Variants in DGKD observed in about 807,000 individuals in gnomAD.
DGKD encodes diacylglycerol kinase delta.
A neutral mutation model predicts 154.4 loss-of-function variants in DGKD; 68 were observed. The observed-to-expected ratio is 0.44, with a 90% CI of 0.36 to 0.54. The LOEUF is 0.54. Ranked by LOEUF, DGKD falls within the 20% of genes least tolerant of loss-of-function variation. The pLI, the probability that DGKD is intolerant of heterozygous loss-of-function variation, is 0.00. For missense variants in DGKD, 1,343 were observed against 1,593.6 expected (o/e 0.84, Z 2.68); for synonymous variants, 693 against 638.0 (o/e 1.09, Z -1.30).
At chr2:233,461,907 G>A (rs2063657689) in intron 24 of DGKD, among the ~76,000 whole-genome samples, 1 of 152,248 alleles carries the variant, frequency 6.6e-6, no homozygotes, top group Non-Finnish European at 1.5e-5. Flanking sequence ...CTGGCTCAGA[G>A]CCCATCACTG....
chr2:233,409,330 G>A (rs2125507762), intron 3 of DGKD, among the ~76,000 whole-genome samples: 2 of 152,296 alleles, frequency 1.3e-5, no homozygotes, highest in African/African-American at 4.8e-5. Context: ...GACTGTCATT[G>A]GATTATAGTA....
At chr2:233,358,122 G>A (rs935698885) in intron 1 of DGKD, among the ~76,000 whole-genome samples, 2 of 152,134 alleles carry the variant, frequency 1.3e-5, no homozygotes, top group Non-Finnish European at 2.9e-5. Flanking sequence ...TGTATTTCCT[G>A]ACTACAGTAC....
rs771282230 is a variant in DGKD, at chr2:233,464,246, C to T, written c.3269C>T (p.Pro1090Leu). ...CAGCTCAGGAGGCTGGCAGACACCC[C>T]GTGGCTCTGCCAGTCCGCAGAGCCC... Reference protein sequence around the residue: ...DRQLRRLADTPWLCQSAEPGD... With the variant: ...DRQLRRLADTLWLCQSAEPGD... The change falls in exon 27 of 30, where the codon CCG (proline) becomes CTG (leucine). Residue 1090 changes from proline to leucine, a missense_variant. Pro to Leu is a moderately conservative substitution (Grantham distance 98). This residue lies in a region of DGKD where 429 missense variants were observed against 496.3 expected (regional missense o/e 0.86). Coordinates refer to ENST00000264057, the MANE Select transcript of DGKD (RefSeq NM_152879.3). The T allele has an allele frequency of 3.4e-5, 55 of 1,613,460 alleles. No homozygotes were observed. The East Asian group carries it at 1.0e-3, about 31-fold the overall frequency.
Position 233,445,867 on chromosome 2 carries a change from A to G in DGKD, c.1334+105A>G, listed in dbSNP as rs1220706000. On this transcript the variant is annotated intron_variant, in intron 11 of 29. Transcript: ENST00000264057. This position sits in a 1 kb window ranked among gnomAD's most constrained non-coding sequence, Gnocchi z 5.5. Reference sequence around the variant, plus strand: ...GTCTGTGGAAAACATGGGCCCTCTGAAATTATTTGTAAAGATTTGACCTGA... The same window carrying G: ...GTCTGTGGAAAACATGGGCCCTCTGGAATTATTTGTAAAGATTTGACCTGA... 3.7e-6 allele frequency: 5 copies of G among 1,341,830 alleles called. No homozygotes were observed. Among genetic ancestry groups the G allele is most frequent in the Non-Finnish European group, 5.0e-6 (5 of 1,006,872 alleles). The allele number at this position is 1,341,830 out of a possible 1,614,324, so 83.1% of individuals were successfully genotyped here. A position where few individuals can be genotyped will look rare whatever the true frequency, so the allele number is the denominator to read the frequency against.
intron 3 of DGKD, among the ~76,000 whole-genome samples, chr2:233,424,842 A>G (rs1314099022): frequency 6.6e-6 from 1 of 152,162 alleles, no homozygotes; most frequent in African/African-American, 2.4e-5. Flanking sequence ...ATATTAGCCA[A>G]ACTGTCCCTT....
chr2:233,428,950 G>T (rs148998196), intron 3 of DGKD, among the ~76,000 whole-genome samples: 427 of 152,248 alleles, frequency 2.8e-3, no homozygotes, highest in African/African-American at 9.2e-3. Flanking sequence ...CTGTTGCTCA[G>T]TGTTTATTGT....
At position 233,434,471 on chromosome 2, in the gene DGKD, G is replaced by A; in HGVS notation, c.440G>A (p.Arg147Lys). 1 of 1,614,080 alleles carries A rather than the reference G, an allele frequency of 6.2e-7. No homozygotes were observed. The highest frequency in any genetic ancestry group is 8.5e-7 in the Non-Finnish European group (1 of 1,179,970). The change falls in exon 4 of 30, where the codon AGG becomes AAG. Residue 147 changes from arginine to lysine, a missense_variant. Arg to Lys is a conservative substitution (Grantham distance 26). Coordinates refer to ENST00000264057, the MANE Select transcript of DGKD (RefSeq NM_152879.3). ...GCAGCATTAAAGACTGTGCAGAACA[G>A]GGAGCACTTTGAGGTTAAAAAAGAA... The part of the protein sequence containing the change: ...WIAALKTVQN[R>K]EHFEPTQYSM...
chr2:233,393,206 C>A (rs570980630), intron 3 of DGKD, among the ~76,000 whole-genome samples: 43 of 151,696 alleles, frequency 2.8e-4, no homozygotes, highest in Non-Finnish European at 4.9e-4. Flanking sequence ...TTTATATTTT[C>A]AGTTAGAGAC....
In DGKD at chr2:233,450,910, G is replaced by A. The variant is rs924340185; in HGVS notation, c.2039-12G>A. 1 of 1,594,252 alleles carries A rather than the reference G, an allele frequency of 6.3e-7. No individual in the cohort carries two copies. On this transcript the variant is annotated splice_polypyrimidine_tract_variant and intron_variant, in intron 16 of 29. Transcript: ENST00000264057. Reference sequence around the variant, plus strand: ...CCACACAGCTGTAAGGTTTTCTGCTGTGTTGTTACAGTGTCGAAATCTCCG... The same window carrying A: ...CCACACAGCTGTAAGGTTTTCTGCTATGTTGTTACAGTGTCGAAATCTCCG...
chr2:233,372,394 A>G (rs1193560320), intron 1 of DGKD, among the ~76,000 whole-genome samples: 1 of 152,080 alleles, frequency 6.6e-6, no homozygotes, highest in Non-Finnish European at 1.5e-5. Context: ...TTGAAATAAC[A>G]CTCATCTCAT....
At position 233,459,760 on chromosome 2, in the gene DGKD, C is replaced by T. The variant is rs762662507; in HGVS notation, c.2698C>T (p.Arg900Cys). 3.1e-6 allele frequency: 5 copies of T among 1,613,548 alleles called. No homozygotes were observed. Among genetic ancestry groups the T allele is most frequent in the African/African-American group, 1.3e-5 (1 of 74,892 alleles). Reference sequence around the variant, plus strand: ...AATGGCTATGATGTCTGCTCAGTGTCGCACGGTGAAGATCTCCATCCTTGG... The same window carrying T: ...AATGGCTATGATGTCTGCTCAGTGTTGCACGGTGAAGATCTCCATCCTTGG... The part of the protein sequence containing the change: ...RLQHHRIAQC[R>C]TVKISILGDE... The change falls in exon 23 of 30, where the codon CGC becomes TGC. Residue 900 changes from arginine (R) to cysteine (C), a missense_variant. Coordinates refer to ENST00000264057, the MANE Select transcript of DGKD (RefSeq NM_152879.3). This position sits in a 1 kb window ranked among gnomAD's most constrained non-coding sequence, Gnocchi z 5.7.
chr2:233,360,595 C>T (rs1378222413), intron 1 of DGKD, among the ~76,000 whole-genome samples: 1 of 151,588 alleles, frequency 6.6e-6, no homozygotes, highest in Non-Finnish European at 1.5e-5. Flanking sequence ...TGCTATATTC[C>T]CCAGGCTGGT....
rs776254967 is a variant in DGKD at position 233,462,710 on chromosome 2, T to C, written c.3161T>C (p.Leu1054Pro). ...NFRALRSETE[L>P]LLSGKMALQL... The stretch of plus-strand genomic sequence containing the variant: ...AGAGCTCTGCGCAGTGAGACGGAGC[T>C]GCTGCTGTCTGGGAAGATGGCCCTG... Residue 1054 changes from leucine to proline, a missense_variant, in exon 26 of 30, where the codon CTG becomes CCG. By Grantham distance (98) the Leu-to-Pro change is moderately conservative. Transcript: ENST00000264057. 6.2e-7 allele frequency: 1 copy of C among 1,613,958 alleles called. No individual in the cohort carries two copies. Among genetic ancestry groups the C allele is most frequent in the Non-Finnish European group, 8.5e-7 (1 of 1,179,982 alleles).
chr2:233,427,212 A>G (rs774489735), intron 3 of DGKD, among the ~76,000 whole-genome samples: 2 of 151,266 alleles, frequency 1.3e-5, no homozygotes, highest in African/African-American at 2.4e-5. Flanking sequence ...TCCAGTGTGT[A>G]GGTTTCCATG....
At chr2:233,386,970 C>T (rs1017519446) in intron 1 of DGKD, among the ~76,000 whole-genome samples, 6 of 152,142 alleles carry the variant, frequency 3.9e-5, no homozygotes, top group Non-Finnish European at 8.8e-5. Context: ...CTGTGCTGTC[C>T]GGGTGTGGTC....
rs78425726 is a variant in DGKD at position 233,373,937 on chromosome 2, T to C, written c.157-14320T>C. Among the ~76,000 whole-genome samples the C allele has an allele frequency of 4.6e-5, 7 of 152,266 alleles. No homozygotes were observed. The East Asian group carries it at 1.2e-3, about 25-fold the overall frequency. On this transcript the variant is annotated intron_variant, in intron 1 of 29. Coordinates refer to ENST00000264057, the MANE Select transcript of DGKD (RefSeq NM_152879.3). The stretch of plus-strand genomic sequence containing the variant: ...ATACACAAAGTAAAAGCAGATCTAG[T>C]TGCAGTATATTGTTGTTTGGAAAAG...
At chr2:233,435,951 G>A in intron 6 of DGKD, 27 bp downstream of exon 6, 2 of 1,572,974 alleles carry the variant, frequency 1.3e-6, no homozygotes, top group South Asian at 1.1e-5. Context: ...CACCTGTGGG[G>A]CCCTGAGCCA....
At position 233,447,112 on chromosome 2, in the gene DGKD, G is replaced by A. The variant is rs557786899; in HGVS notation, c.1419+316G>A. Among the ~76,000 whole-genome samples, 291 of 152,246 alleles carry A rather than the reference G, an allele frequency of 1.9e-3. 1 individual carries two copies. Among genetic ancestry groups the A allele is most frequent in the Admixed American group, 3.6e-3 (55 of 15,286 alleles). On this transcript the variant is annotated intron_variant, in intron 12 of 29. Transcript: ENST00000264057. The stretch of plus-strand genomic sequence containing the variant: ...CTCAGCTGCGCAGTGAGCCCCAAAC[G>A]GTGCGCGCCCGTTCCCTCCCCCGCC...
chr2:233,415,436 T>G (rs576895708), intron 3 of DGKD, among the ~76,000 whole-genome samples: 1 of 152,160 alleles, frequency 6.6e-6, no homozygotes, highest in South Asian at 2.1e-4. Context: ...TCACCTCCAT[T>G]GCTGTCTCTA....
Sources: allele counts gnomAD v4.1 joint callset (sites outside exome capture counted in the v4.1 genomes callset), GRCh38; gene constraint gnomAD v4.1.1; regional missense constraint gnomAD v4.1.1; non-coding constraint Gnocchi (gnomAD v3.1); transcripts MANE v1.5; gene names NCBI Gene and HGNC (gene_info 2026-07-23, HGNC 2026-07-21).